MAPK8: variants seen among roughly 807,000 people sequenced by gnomAD.
MAPK8 encodes JUN N-terminal kinase.
Under a neutral mutation model 52.9 loss-of-function variants are expected in MAPK8, and 13 were observed. That is an observed-to-expected ratio of 0.25 (90% confidence interval 0.16 to 0.39). The LOEUF (loss-of-function observed/expected upper bound fraction) is 0.39, where lower values mean the gene tolerates loss of function less well. Among genes scored for constraint, MAPK8 ranks in the 10% least tolerant of loss-of-function variants. MAPK8 has a pLI of 1.00. For synonymous variants in MAPK8, 191 were observed against 169.8 expected (o/e 1.12, Z -0.97); for missense variants, 300 against 519.2 (o/e 0.58, Z 4.10).
At chr10:48,426,210 T>A in intron 8 of MAPK8, 140 bp downstream of exon 8, 2 of 918,436 alleles carry the variant, frequency 2.2e-6, no homozygotes, top group Non-Finnish European at 3.0e-6. Context: ...AAAAATGAGG[T>A]TTTTGTTTTT....
chr10:48,363,770 T>C (rs1847782781), intron 1 of MAPK8, among the ~76,000 whole-genome samples: 1 of 152,216 alleles, frequency 6.6e-6, no homozygotes, highest in East Asian at 1.9e-4. Context: ...TTGTAGTTTC[T>C]ACTTTGAGTA....
intron 1 of MAPK8, among the ~76,000 whole-genome samples, chr10:48,319,825 A>C (rs1049682761): frequency 3.3e-5 from 5 of 151,808 alleles, no homozygotes; most frequent in African/African-American, 1.2e-4. Context: ...GGAATCATAC[A>C]CTGTGCGATC....
intron 5 of MAPK8, among the ~76,000 whole-genome samples, chr10:48,413,857 A>T: frequency 8.0e-6 from 1 of 124,562 alleles, no homozygotes; most frequent in African/African-American, 3.0e-5. Context: ...ATATATATAT[A>T]TATTCAGAAA....
At chr10:48,433,529 A>T (rs1408879561) in intron 11 of MAPK8, among the ~76,000 whole-genome samples, 1 of 151,932 alleles carries the variant, frequency 6.6e-6, no homozygotes. Context: ...GGTCTAGGAG[A>T]TTATCACCTC....
intron 1 of MAPK8, among the ~76,000 whole-genome samples, chr10:48,383,936 G>T (rs545525447): frequency 9.2e-5 from 14 of 152,338 alleles, no homozygotes; most frequent in Admixed American, 3.3e-4. Flanking sequence ...ATCCAAGGAA[G>T]AAGGATGTAG....
At chr10:48,362,941 A>C (rs904498100) in intron 1 of MAPK8, among the ~76,000 whole-genome samples, 6 of 151,894 alleles carry the variant, frequency 4.0e-5, no homozygotes, top group Non-Finnish European at 8.8e-5. Context: ...GGGTTTCACC[A>C]TGTTGGCCAG....
At chr10:48,422,193 GGC>G (rs2043408020) in intron 6 of MAPK8, among the ~76,000 whole-genome samples, 1 of 151,964 alleles carries the variant, frequency 6.6e-6, no homozygotes, top group African/African-American at 2.4e-5. Flanking sequence ...CACCATGCCT[GGC>G]TAATTTTTGT....
At chr10:48,398,628 T>G (rs1346773879) in intron 1 of MAPK8, among the ~76,000 whole-genome samples, 1 of 152,224 alleles carries the variant, frequency 6.6e-6, no homozygotes, top group Non-Finnish European at 1.5e-5. Context: ...ACCAGCATCA[T>G]TTATAATAAC....
chr10:48,352,105 T>C (rs765913088), intron 1 of MAPK8, among the ~76,000 whole-genome samples: 8 of 152,208 alleles, frequency 5.3e-5, no homozygotes, highest in Non-Finnish European at 8.8e-5. Context: ...CAGTATGGCA[T>C]AGATAATTTG....
At chr10:48,374,212 A>G (rs1034012462) in intron 1 of MAPK8, among the ~76,000 whole-genome samples, 14 of 152,224 alleles carry the variant, frequency 9.2e-5, no homozygotes, top group Middle Eastern at 6.8e-3. Context: ...CAAAGACACA[A>G]TGTAGGAGAA....
At chr10:48,375,686 G>C (rs749500021) in intron 1 of MAPK8, among the ~76,000 whole-genome samples, 1 of 152,182 alleles carries the variant, frequency 6.6e-6, no homozygotes, top group Non-Finnish European at 1.5e-5. Flanking sequence ...TACAAGGGAT[G>C]TGAAGGAACT....
chr10:48,352,211 T>C (rs1392939455), intron 1 of MAPK8, among the ~76,000 whole-genome samples: 3 of 152,082 alleles, frequency 2.0e-5, no homozygotes, highest in African/African-American at 7.2e-5. Flanking sequence ...TAAAGAAGAA[T>C]TTACACTATT....
chr10:48,423,437 C>T (rs909626227), intron 6 of MAPK8, among the ~76,000 whole-genome samples: 2 of 152,184 alleles, frequency 1.3e-5, no homozygotes, highest in East Asian at 1.9e-4. Context: ...TGTTCATTCT[C>T]TGTGCACTTG....
At chr10:48,424,825 C>T (rs1037703615) in intron 7 of MAPK8, among the ~76,000 whole-genome samples, 3 of 152,018 alleles carry the variant, frequency 2.0e-5, no homozygotes, top group Non-Finnish European at 2.9e-5. Context: ...GTTGATTTAA[C>T]CTAAATCAAA....
chr10:48,336,513 A>G (rs1414809373), intron 1 of MAPK8, among the ~76,000 whole-genome samples: 2 of 152,200 alleles, frequency 1.3e-5, no homozygotes, highest in Admixed American at 6.5e-5. Context: ...GAATATCTCA[A>G]GGTGCTTTAT....
At chr10:48,315,309 C>T (rs768632203) in intron 1 of MAPK8, among the ~76,000 whole-genome samples, 2 of 152,118 alleles carry the variant, frequency 1.3e-5, no homozygotes, top group Non-Finnish European at 2.9e-5. Context: ...AATAAGTTTG[C>T]CTTTGTATAC....
intron 1 of MAPK8, among the ~76,000 whole-genome samples, chr10:48,352,570 C>T (rs1846439873): frequency 6.6e-6 from 1 of 152,032 alleles, no homozygotes; most frequent in East Asian, 1.9e-4. Context: ...AAATTCAATA[C>T]CATTTATGAT....
chr10:48,403,426 C>T (rs143321261), intron 2 of MAPK8, among the ~76,000 whole-genome samples: 1,663 of 151,178 alleles, frequency 0.011, 34 homozygotes, highest in African/African-American at 0.038. Flanking sequence ...TCACTGCACT[C>T]CAGCCTGGGT....
chr10:48,433,029 T>C (rs920780556), intron 11 of MAPK8, among the ~76,000 whole-genome samples: 14 of 152,214 alleles, frequency 9.2e-5, no homozygotes, highest in African/African-American at 3.4e-4. Context: ...TCGAGTGCCT[T>C]CCTATCTTTG....
Sources: gnomAD v4.1 joint callset for allele counts (sites outside exome capture counted in the v4.1 genomes callset) on GRCh38, gnomAD v4.1.1 for gene constraint, MANE v1.5 for transcripts, NCBI Gene and HGNC (gene_info 2026-07-23, HGNC 2026-07-21) for gene names.